The following ART3 variants were observed in gnomAD, a reference collection of about 807,000 sequenced individuals.
The protein encoded by ART3 is ecto-ADP-ribosyltransferase 3.
A neutral mutation model predicts 48.5 loss-of-function variants in ART3; 49 were observed. That is an observed-to-expected ratio of 1.01 (90% CI 0.80 to 1.28). The LOEUF is 1.28. Ranked by LOEUF, ART3 falls within the 50% of genes most tolerant of loss-of-function variation. ART3 has a pLI of 0.00. For missense variants in ART3, 438 were observed against 454.3 expected, an observed-to-expected ratio of 0.96 and a Z score of 0.33; for synonymous variants, 145 against 157.2, an observed-to-expected ratio of 0.92 and a Z score of 0.58.
chr4:76,017,175 G>A (rs887447855), intron 1 of ART3, among the ~76,000 whole-genome samples: 1 of 151,868 alleles, frequency 6.6e-6, no homozygotes, highest in Admixed American at 6.6e-5. Flanking sequence ...AGTTGGGAAT[G>A]TGCTGGGTCT....
intron 1 of ART3, chr4:76,021,922 C>T (rs773048144): frequency 1.5e-4 from 238 of 1,611,426 alleles, no homozygotes; most frequent in Non-Finnish European, 1.9e-4. Flanking sequence ...TTTTGCTCCC[C>T]TCTGGTTTTA....
chr4:76,021,918 T>C (rs773526752), intron 1 of ART3: 2 of 1,610,978 alleles, frequency 1.2e-6, no homozygotes, highest in Non-Finnish European at 8.5e-7. Context: ...TCGATTTTGC[T>C]CCCCTCTGGT....
chr4:76,101,081 G>A, intron 8 of ART3, 62 bp downstream of exon 8: 4 of 1,582,658 alleles, frequency 2.5e-6, no homozygotes, highest in Non-Finnish European at 3.4e-6. Context: ...TTTACATGTG[G>A]GAACAGGGAA....
chr4:76,071,214 G>A (rs775832968), upstream of ART3, among the ~76,000 whole-genome samples: 2 of 151,930 alleles, frequency 1.3e-5, no homozygotes, highest in Non-Finnish European at 2.9e-5. Flanking sequence ...GCCAGGCTTG[G>A]TAGTGGGCAG....
rs999882372 is a variant in ART3 at position 76,022,091 on chromosome 4, C to T, written c.-10+10771C>T. On this transcript the variant is annotated intron_variant, in intron 1 of 9. Coordinates refer to the ART3 transcript ENST00000341029. ...CATTCATTATGGATTATAGGGGTTG[C>T]TTTTTTCAACCATGAAAGACTTGGG... 3.5e-5 allele frequency: 30 copies of T among 848,630 alleles called. 1 individual carries two copies. The East Asian group carries it at 7.3e-4, about 21-fold the overall frequency. The allele number at this position is 848,630 out of a possible 1,614,324, so 52.6% of individuals were successfully genotyped here.
chr4:76,066,531 CTATTAGCAGAGAGCG>C (rs1421437832), intron 1 of ART3, among the ~76,000 whole-genome samples: 1 of 152,136 alleles, frequency 6.6e-6, no homozygotes, highest in Admixed American at 6.5e-5. Flanking sequence ...ATCTCTGAAG[CTATTAGCAGAGAGCG>C]TAATTAGCAG....
At chr4:76,041,621 T>C (rs76333759) in intron 1 of ART3, among the ~76,000 whole-genome samples, 3 of 151,676 alleles carry the variant, frequency 2.0e-5, no homozygotes, top group African/African-American at 4.9e-5. Flanking sequence ...GAAAATATAT[T>C]ATTTCAATGT....
At chr4:76,103,123 A>G (rs1727700644) in intron 8 of ART3, among the ~76,000 whole-genome samples, 2 of 152,190 alleles carry the variant, frequency 1.3e-5, no homozygotes. Context: ...TCTCGTCCTT[A>G]GGAATAAAAA....
rs1380382061 is a variant in ART3 at position 76,035,069 on chromosome 4, T to C, written c.-10+23749T>C. 1.1e-5 allele frequency: 17 copies of C among 1,613,726 alleles called. No individual in the cohort carries two copies. The East Asian group carries it at 3.3e-4, about 32-fold the overall frequency. On this transcript the variant is annotated intron_variant, in intron 1 of 9. Coordinates refer to the ART3 transcript ENST00000341029. ...TACTTTGATTATAAGCCTTGCTTGCTTCGATTTGGGATTTAGGCATCGTTG... is the reference window on the plus strand; with the variant it reads ...TACTTTGATTATAAGCCTTGCTTGCCTCGATTTGGGATTTAGGCATCGTTG...
At chr4:76,085,734 A>T in intron 3 of ART3, among the ~76,000 whole-genome samples, 1 of 152,210 alleles carries the variant, frequency 6.6e-6, no homozygotes, top group East Asian at 1.9e-4. Context: ...TGCAGCCATT[A>T]TGGAAAACAG....
At chr4:76,023,156 C>A (rs1486411931) in intron 1 of ART3, among the ~76,000 whole-genome samples, 1 of 152,096 alleles carries the variant, frequency 6.6e-6, no homozygotes, top group African/African-American at 2.4e-5. Context: ...TCTCTTCTGT[C>A]CTCCTTCCCT....
intron 1 of ART3, among the ~76,000 whole-genome samples, chr4:76,069,483 G>GGGTTCAA (rs1720101110): frequency 2.1e-5 from 3 of 146,330 alleles, no homozygotes; most frequent in Non-Finnish European, 4.5e-5. Context: ...TTCACCTTCC[G>GGGTTCAA]GGTTCAAGCG....
chr4:76,050,883 C>T lies in ART3; in HGVS notation c.-9-24998C>T, dbSNP rs193003295. ...CTGCTGGGGGACCCAGTACACCCTCCGCAGCTGCTAGCCCGGGTGCTAAGC... is the reference window on the plus strand; with the variant it reads ...CTGCTGGGGGACCCAGTACACCCTCTGCAGCTGCTAGCCCGGGTGCTAAGC... On this transcript the variant is annotated intron_variant, in intron 1 of 9. Coordinates refer to the ART3 transcript ENST00000341029. 3.2e-4 allele frequency among the ~76,000 whole-genome samples: 48 copies of T among 152,350 alleles called. No individual in the cohort carries two copies. In the East Asian group the frequency reaches 6.4e-3, roughly 20 times the overall value.
At chr4:76,064,833 A>AT (rs1410220652) in intron 1 of ART3, among the ~76,000 whole-genome samples, 2 of 100,412 alleles carry the variant, frequency 2.0e-5, no homozygotes, top group African/African-American at 4.3e-5. Context: ...ATATTGAGTA[A>AT]ATTTTTTTTT....
intron 1 of ART3, among the ~76,000 whole-genome samples, chr4:76,018,802 T>A (rs1385339481): frequency 6.6e-6 from 1 of 151,360 alleles, no homozygotes; most frequent in East Asian, 1.9e-4. Context: ...CCGAGGTGGG[T>A]GGATCGCCTG....
At chr4:76,067,886 G>A (rs1719897957) in intron 1 of ART3, among the ~76,000 whole-genome samples, 1 of 152,162 alleles carries the variant, frequency 6.6e-6, no homozygotes, top group Non-Finnish European at 1.5e-5. Flanking sequence ...ATCTGATCCT[G>A]CTTGGTCTTT....
At chr4:76,084,451 TGAA>T (rs1723133798) in intron 3 of ART3, among the ~76,000 whole-genome samples, 1 of 152,236 alleles carries the variant, frequency 6.6e-6, no homozygotes, top group Non-Finnish European at 1.5e-5. Flanking sequence ...CTTGGAATTT[TGAA>T]GATATTCCTC....
At chr4:76,098,021 A>T (rs533577035) in intron 4 of ART3, among the ~76,000 whole-genome samples, 1 of 152,144 alleles carries the variant, frequency 6.6e-6, no homozygotes, top group East Asian at 1.9e-4. Flanking sequence ...GCCATTTCCC[A>T]CTTGACTCCT....
At chr4:76,040,557 A>G (rs1460084269) in intron 1 of ART3, among the ~76,000 whole-genome samples, 1 of 133,100 alleles carries the variant, frequency 7.5e-6, no homozygotes, top group Admixed American at 8.9e-5. Flanking sequence ...GACTATATAG[A>G]TACTTCAGAA....
Sources: allele counts gnomAD v4.1 joint callset (sites outside exome capture counted in the v4.1 genomes callset), GRCh38; gene constraint gnomAD v4.1.1; transcripts MANE v1.5; gene names NCBI Gene and HGNC (gene_info 2026-07-23, HGNC 2026-07-21).